The following IRS1 variants were observed in gnomAD, a reference collection of about 807,000 sequenced individuals.
IRS1 encodes the protein insulin receptor substrate 1.
A neutral mutation model predicts 65.6 loss-of-function variants in IRS1; 34 were observed. The observed-to-expected ratio is 0.52, with a 90% CI of 0.39 to 0.69. IRS1 has a LOEUF of 0.69. Among genes scored for constraint, IRS1 ranks in the 30% least tolerant of loss-of-function variants. IRS1 has a pLI of 0.00. For missense variants in IRS1, 1,641 were observed against 1,720.2 expected (o/e 0.95, Z 0.81); for synonymous variants, 699 against 683.5 (o/e 1.02, Z -0.35).
chr2:226,795,373 C>A lies in IRS1; in HGVS notation c.3366G>T (p.Gly1122=). 1 of 1,613,178 alleles carries A rather than the reference C, an allele frequency of 6.2e-7. No homozygotes were observed. Among genetic ancestry groups the A allele is most frequent in the African/African-American group, 1.3e-5 (1 of 75,052 alleles). The change falls in exon 1 of 2, where the codon GGG becomes GGT. Residue 1122 remains glycine, a synonymous_variant. Transcript: ENST00000305123. Reference sequence around the variant, plus strand: ...TACCGCCACCGCCCCCTACTGCTGCCCCCGCTCCAAAGGGCACTGTGTTGC... The same window carrying A: ...TACCGCCACCGCCCCCTACTGCTGCACCCGCTCCAAAGGGCACTGTGTTGC... ...RVGNTVPFGA[G]AAVGGGGGSS...
At position 226,777,186 on chromosome 2, in the gene IRS1, A is replaced by C. The variant is rs1341579918; in HGVS notation, c.*21+17803T>G. 3.9e-5 allele frequency among the ~76,000 whole-genome samples: 6 copies of C among 152,222 alleles called. No individual in the cohort carries two copies. The East Asian group carries it at 1.2e-3, about 29-fold the overall frequency. On this transcript the variant is annotated intron_variant, in intron 1 of 1. Coordinates refer to ENST00000305123, the MANE Select transcript of IRS1 (RefSeq NM_005544.3). ...TAACAATAATGTGTCACATTAGTTCATTGTGACAAATGTATTATACTAATG... is the reference window on the plus strand; with the variant it reads ...TAACAATAATGTGTCACATTAGTTCCTTGTGACAAATGTATTATACTAATG...
intron 1 of IRS1, among the ~76,000 whole-genome samples, chr2:226,748,449 A>C (rs1938602502): frequency 1.3e-5 from 2 of 151,708 alleles, no homozygotes; most frequent in Admixed American, 6.6e-5. Context: ...AAAAAAAAAA[A>C]ACCAAACCAA....
chr2:226,783,355 C>T (rs1320797595), intron 1 of IRS1, among the ~76,000 whole-genome samples: 6 of 152,190 alleles, frequency 3.9e-5, no homozygotes, highest in Admixed American at 6.5e-5. Context: ...CCTACATTTA[C>T]GGTAGTGCCC....
chr2:226,768,972 G>A (rs1939112243), intron 1 of IRS1, among the ~76,000 whole-genome samples: 1 of 152,176 alleles, frequency 6.6e-6, no homozygotes, highest in African/African-American at 2.4e-5. Context: ...ACTGAGGCAA[G>A]ACAGATGGTG....
intron 1 of IRS1, among the ~76,000 whole-genome samples, chr2:226,742,226 C>T (rs1302696036): frequency 6.6e-6 from 1 of 152,142 alleles, no homozygotes; most frequent in Admixed American, 6.5e-5. Flanking sequence ...AGAAAACTAA[C>T]CAGTGAATTC....
In IRS1 at chr2:226,794,284, T is replaced by C. The variant is rs1459347731; in HGVS notation, c.*21+705A>G. ...AAGAGAGGCCAGGCCCGTGGGATGG[T>C]GGGTCGGTGTGTGAATAATATTTCA... On this transcript the variant is annotated intron_variant, in intron 1 of 1. Transcript: ENST00000305123. This position sits in a 1 kb window ranked among gnomAD's most constrained non-coding sequence, Gnocchi z 4.1. 6.6e-6 allele frequency among the ~76,000 whole-genome samples: 1 copy of C among 152,124 alleles called. No individual in the cohort carries two copies. Among genetic ancestry groups the C allele is most frequent in the African/African-American group, 2.4e-5 (1 of 41,430 alleles).
At chr2:226,744,934 GTTC>G (rs1559147377) in intron 1 of IRS1, among the ~76,000 whole-genome samples, 2 of 151,396 alleles carry the variant, frequency 1.3e-5, no homozygotes, top group Non-Finnish European at 2.9e-5. Flanking sequence ...GAAGCGAACT[GTTC>G]TTTAAAAAAA....
Position 226,796,455 on chromosome 2 carries a change from G to A in IRS1, c.2284C>T (p.Leu762Phe). Residue 762 changes from leucine (L) to phenylalanine (F), a missense_variant, in exon 1 of 2, where the codon CTC becomes TTC. Leu to Phe is a conservative substitution (Grantham distance 22, BLOSUM62 0). Coordinates refer to ENST00000305123, the MANE Select transcript of IRS1 (RefSeq NM_005544.3). Reference sequence around the variant, plus strand: ...GATCTTGGCAATGAGTAGTAGGAGAGGACTGGCTTGTGCTGGGGGTCCTCA... The same window carrying A: ...GATCTTGGCAATGAGTAGTAGGAGAAGACTGGCTTGTGCTGGGGGTCCTCA... ...GPEDPQHKPV[L>F]SYYSLPRSFK... The A allele has an allele frequency of 6.2e-7, 1 of 1,613,832 alleles. No homozygotes were observed.
intron 1 of IRS1, among the ~76,000 whole-genome samples, chr2:226,770,363 T>C (rs191841619): frequency 1.3e-5 from 2 of 152,342 alleles, no homozygotes; most frequent in Admixed American, 1.3e-4. Context: ...TATGATACAT[T>C]GTTCATAAAC....
chr2:226,776,491 A>T (rs1939276701), intron 1 of IRS1, among the ~76,000 whole-genome samples: 1 of 152,194 alleles, frequency 6.6e-6, no homozygotes, highest in African/African-American at 2.4e-5. Flanking sequence ...AAAACCTGAC[A>T]AACACTCCTT....
chr2:226,748,499 GACTTTAAAAAATAAATTC>G (rs1938604511), intron 1 of IRS1, among the ~76,000 whole-genome samples: 1 of 143,384 alleles, frequency 7.0e-6, no homozygotes, highest in Non-Finnish European at 1.5e-5. Context: ...AGAATTAGTA[GACTTTAAAAAATAAATTC>G]ACTTTAAAAA....
At position 226,787,374 on chromosome 2, in the gene IRS1, T is replaced by A. The variant is rs1939507002; in HGVS notation, c.*21+7615A>T. 2.6e-5 allele frequency among the ~76,000 whole-genome samples: 4 copies of A among 152,262 alleles called. No homozygotes were observed. The South Asian group carries it at 8.3e-4, about 32-fold the overall frequency. ...TTAAGCTAGATGGGCACTTTTGCCC[T>A]TTAGGTTTATGAAAAATGCCAACTT... On this transcript the variant is annotated intron_variant, in intron 1 of 1. Transcript: ENST00000305123.
At position 226,732,670 on chromosome 2, in the gene IRS1, CA is replaced by C. The variant is rs993043501; in HGVS notation, c.*3601del. On this transcript the variant is annotated 3_prime_UTR_variant, in exon 2 of 2. Transcript: ENST00000305123. ...CACACACAAAGACACACACATGTCACATATATATACACACACACATATATAT... is the reference window on the plus strand; with the variant it reads ...CACACACAAAGACACACACATGTCACTATATATACACACACACATATATAT... 3 of 149,248 alleles carry C rather than the reference CA, an allele frequency of 2.0e-5. No homozygotes were observed. The highest frequency in any genetic ancestry group is 7.6e-5 in the African/African-American group (3 of 39,706). The allele number at this position is 149,248 out of a possible 1,614,324, so 9.2% of individuals were successfully genotyped here. A position where few individuals can be genotyped will look rare whatever the true frequency, so the allele number is the denominator to read the frequency against.
intron 1 of IRS1, among the ~76,000 whole-genome samples, chr2:226,781,865 T>C (rs1326160214): frequency 1.1e-4 from 14 of 131,498 alleles, no homozygotes; most frequent in Admixed American, 6.1e-4. Context: ...CACCCCTAAA[T>C]ACACACACAC....
chr2:226,760,266 G>C (rs1378225910), intron 1 of IRS1, among the ~76,000 whole-genome samples: 1 of 151,590 alleles, frequency 6.6e-6, no homozygotes, highest in South Asian at 2.1e-4. Flanking sequence ...TTCTTTTTTT[G>C]TCTTATTGCA....
At chr2:226,764,931 G>A (rs1462115292) in intron 1 of IRS1, among the ~76,000 whole-genome samples, 2 of 152,120 alleles carry the variant, frequency 1.3e-5, no homozygotes, top group African/African-American at 2.4e-5. Context: ...AAATGCTGTC[G>A]ATAGTGTACT....
Position 226,798,958 on chromosome 2 carries a change from G to A in IRS1, c.-220C>T. ...GAGAGCCCGACCGGAGTTTTCGGGC[G>A]CTTCACGCCCGGCGGGGAGGCAGTG... On this transcript the variant is annotated 5_prime_UTR_variant, in exon 1 of 2. Coordinates refer to ENST00000305123, the MANE Select transcript of IRS1 (RefSeq NM_005544.3). This position sits in a 1 kb window ranked among gnomAD's most constrained non-coding sequence, Gnocchi z 9.4. The A allele has an allele frequency of 6.9e-7, 1 of 1,444,230 alleles. No individual in the cohort carries two copies. The highest frequency in any genetic ancestry group is 9.1e-7 in the Non-Finnish European group (1 of 1,097,426). 89.5% of individuals were successfully genotyped at this position (1,444,230 alleles called of 1,614,324 possible).
In IRS1 at chr2:226,732,670, CATAT is replaced by C. The variant is rs1281709519; in HGVS notation, c.*3598_*3601del. On this transcript the variant is annotated 3_prime_UTR_variant, in exon 2 of 2. Transcript: ENST00000305123. Reference sequence around the variant, plus strand: ...CACACACAAAGACACACACATGTCACATATATATACACACACACATATATATACA... The same window carrying C: ...CACACACAAAGACACACACATGTCACATATACACACACACATATATATACA... 2 of 149,248 alleles carry C rather than the reference CATAT, an allele frequency of 1.3e-5. No individual in the cohort carries two copies. The highest frequency in any genetic ancestry group is 2.1e-4 in the South Asian group (1 of 4,754). The allele number at this position is 149,248 out of a possible 1,614,324, so 9.2% of individuals were successfully genotyped here.
chr2:226,745,136 A>G (rs1938514033), intron 1 of IRS1, among the ~76,000 whole-genome samples: 1 of 152,254 alleles, frequency 6.6e-6, no homozygotes, highest in African/African-American at 2.4e-5. Context: ...GTAATTCTTC[A>G]ACAAAAGTCA....
Sources: allele counts gnomAD v4.1 joint callset (sites outside exome capture counted in the v4.1 genomes callset), GRCh38; gene constraint gnomAD v4.1.1; non-coding constraint Gnocchi (gnomAD v3.1); transcripts MANE v1.5; gene names NCBI Gene and HGNC (gene_info 2026-07-23, HGNC 2026-07-21).